The following MSH4 variants were observed in gnomAD, a reference collection of about 807,000 sequenced individuals.
MSH4 encodes the protein mutS homolog 4, also known as mutS protein homolog 4.
In MSH4, 106 loss-of-function variants were observed where a neutral mutation model predicts 113.7. The observed-to-expected ratio is 0.93, with a 90% confidence interval of 0.80 to 1.10. MSH4 has a LOEUF of 1.10. MSH4 is among the 50% of genes least tolerant of loss of function. The pLI is 0.00. For missense variants in MSH4, 1,061 were observed against 1,093.7 expected, an observed-to-expected ratio of 0.97 and a Z score of 0.42; for synonymous variants, 368 against 380.2, an observed-to-expected ratio of 0.97 and a Z score of 0.37.
chr1:75,820,707 T>A (rs1650390203), intron 6 of MSH4, among the ~76,000 whole-genome samples: 1 of 152,204 alleles, frequency 6.6e-6, no homozygotes, highest in Admixed American at 6.5e-5. Flanking sequence ...GATTCTTCTC[T>A]CTTTTCTTCT....
rs80234577 is a variant in MSH4, at chr1:75,905,248, A to G, written c.2619+5542A>G. On this transcript the variant is annotated intron_variant, in intron 19 of 19. Transcript: ENST00000263187. ...TGTATGTCATAGATTTTAGTATGTC[A>G]TGTATTTTTTTCAAGAATTTTTAAA... Among the ~76,000 whole-genome samples the G allele has an allele frequency of 2.5e-3, 379 of 150,042 alleles. 2 individuals carry two copies. The highest frequency in any genetic ancestry group is 9.0e-3 in the African/African-American group (366 of 40,816).
chr1:75,903,632 A>C (rs1014861227), intron 19 of MSH4, among the ~76,000 whole-genome samples: 6 of 152,070 alleles, frequency 3.9e-5, no homozygotes, highest in Non-Finnish European at 8.8e-5. Context: ...ACATTTTAGC[A>C]GTATTTATTC....
At chr1:75,870,041 G>T (rs1206937184) in intron 9 of MSH4, among the ~76,000 whole-genome samples, 1 of 152,190 alleles carries the variant, frequency 6.6e-6, no homozygotes, top group Non-Finnish European at 1.5e-5. Context: ...CACAAGGGTG[G>T]AGCTGCTCAA....
chr1:75,878,938 A>G (rs1651872621), intron 11 of MSH4, 54 bp from the exon 12 acceptor site: 3 of 1,490,410 alleles, frequency 2.0e-6, no homozygotes, highest in Non-Finnish European at 2.8e-6. Flanking sequence ...GATTTTTCTC[A>G]TTAAAATTTA....
At chr1:75,880,818 A>G (rs1651914690) in intron 13 of MSH4, among the ~76,000 whole-genome samples, 1 of 151,990 alleles carries the variant, frequency 6.6e-6, no homozygotes, top group South Asian at 2.1e-4. Flanking sequence ...ACGAGAGAGA[A>G]AGAAAAAATG....
intron 17 of MSH4, among the ~76,000 whole-genome samples, chr1:75,894,902 A>T (rs1446786941): frequency 6.6e-6 from 1 of 152,124 alleles, no homozygotes; most frequent in African/African-American, 2.4e-5. Context: ...TATGCTTTGA[A>T]TCAGCTTCCA....
chr1:75,797,395 G>A (rs1649841138), intron 1 of MSH4, among the ~76,000 whole-genome samples, 166 bp downstream of exon 1: 2 of 152,162 alleles, frequency 1.3e-5, no homozygotes, highest in Non-Finnish European at 1.5e-5. Flanking sequence ...TAGAAGCCTT[G>A]ACTTTTCAAA....
intron 19 of MSH4, among the ~76,000 whole-genome samples, chr1:75,905,589 C>A (rs1652607433): frequency 6.6e-6 from 1 of 152,034 alleles, no homozygotes; most frequent in South Asian, 2.1e-4. Context: ...AGTTTAACTT[C>A]AGTGTTTAAT....
chr1:75,816,474 G>T lies in MSH4; in HGVS notation c.917G>T (p.Ser306Ile). 1 of 1,610,932 alleles carries T rather than the reference G, an allele frequency of 6.2e-7. No homozygotes were observed. Among genetic ancestry groups the T allele is most frequent in the Non-Finnish European group, 8.5e-7 (1 of 1,178,046 alleles). Reference protein sequence around the residue: ...PKSLKICFQGSEQTAMIDSSS... With the variant: ...PKSLKICFQGIEQTAMIDSSS... The stretch of plus-strand genomic sequence containing the variant: ...TCACTGAAGATTTGTTTCCAGGGTA[G>T]TGAACAGACAGCCATGATAGATTCA... The change falls in exon 6 of 20, where the codon AGT (serine) becomes ATT (isoleucine). Residue 306 changes from serine (S) to isoleucine (I), a missense_variant. Ser to Ile is a moderately radical substitution (Grantham distance 142, BLOSUM62 -2). Transcript: ENST00000263187.
intron 9 of MSH4, among the ~76,000 whole-genome samples, chr1:75,875,909 A>G (rs12021750): frequency 1.3e-5 from 2 of 151,970 alleles, no homozygotes; most frequent in Admixed American, 1.3e-4. Flanking sequence ...AAACAATCAC[A>G]AATTGTCCAC....
At chr1:75,854,007 G>GTATATATATATATATATATATATA (rs150197709) in intron 8 of MSH4, among the ~76,000 whole-genome samples, 102 of 50,314 alleles carry the variant, frequency 2.0e-3, no homozygotes, top group African/African-American at 3.8e-3. Context: ...GCATAAGTGT[G>GTATATATATATATATATATATATA]TGTGTGTATA....
At chr1:75,798,704 TG>T (rs1649872347) in intron 1 of MSH4, among the ~76,000 whole-genome samples, 1 of 151,694 alleles carries the variant, frequency 6.6e-6, no homozygotes, top group Non-Finnish European at 1.5e-5. Context: ...CCAAGGCATG[TG>T]CCCCTACAGA....
intron 7 of MSH4, among the ~76,000 whole-genome samples, chr1:75,847,785 C>A (rs1227873940): frequency 6.6e-6 from 1 of 152,156 alleles, no homozygotes; most frequent in African/African-American, 2.4e-5. Flanking sequence ...GTAAACTAAT[C>A]CAGTTTTATT....
At chr1:75,822,688 T>C (rs1330760215) in intron 7 of MSH4, 107 bp downstream of exon 7, 1 of 546,656 alleles carries the variant, frequency 1.8e-6, no homozygotes, top group Non-Finnish European at 2.9e-6. Flanking sequence ...TGTTAATTCT[T>C]GTATTCTTTT....
chr1:75,804,330 G>A (rs1650008694), intron 2 of MSH4, among the ~76,000 whole-genome samples: 2 of 151,822 alleles, frequency 1.3e-5, no homozygotes, highest in African/African-American at 4.8e-5. Flanking sequence ...GTTTTCTAAG[G>A]TATATACAAC....
intron 5 of MSH4, 95 bp downstream of exon 5, chr1:75,815,231 T>G (rs1178846202): frequency 1.5e-6 from 1 of 653,362 alleles, no homozygotes; most frequent in Non-Finnish European, 2.5e-6. Flanking sequence ...AAATCTCCAG[T>G]GTGAGTTCCA....
At chr1:75,825,370 C>T (rs532200344) in intron 7 of MSH4, among the ~76,000 whole-genome samples, 5 of 152,130 alleles carry the variant, frequency 3.3e-5, no homozygotes, top group South Asian at 2.1e-4. Flanking sequence ...TGGGCTGAGA[C>T]GATGGGGTTT....
intron 17 of MSH4, among the ~76,000 whole-genome samples, chr1:75,895,819 T>C (rs921147923): frequency 2.0e-5 from 3 of 152,100 alleles, no homozygotes; most frequent in African/African-American, 7.2e-5. Context: ...AGTTGTATCA[T>C]ATTAGAGGGA....
chr1:75,881,188 A>G lies in MSH4; in HGVS notation c.1782-58A>G, dbSNP rs200441080. The G allele has an allele frequency of 6.7e-6, 9 of 1,346,488 alleles. No homozygotes were observed. The African/African-American group carries it at 8.8e-5, about 13-fold the overall frequency. The allele number at this position is 1,346,488 out of a possible 1,614,324, so 83.4% of individuals were successfully genotyped here. A position where few individuals can be genotyped will look rare whatever the true frequency, so the allele number is the denominator to read the frequency against. On this transcript the variant is annotated intron_variant, in intron 13 of 19. Coordinates refer to ENST00000263187, the MANE Select transcript of MSH4 (RefSeq NM_002440.4). ...ATGAATTTAATATTATTTTACGATT[A>G]CAATGTATGTCCCTTTTGAAAAAAC...
Sources: allele counts gnomAD v4.1 joint callset (sites outside exome capture counted in the v4.1 genomes callset), GRCh38; gene constraint gnomAD v4.1.1; transcripts MANE v1.5; gene names NCBI Gene and HGNC (gene_info 2026-07-23, HGNC 2026-07-21).